PCDHGA7: variants seen among roughly 807,000 people sequenced by gnomAD.
PCDHGA7 encodes the protein protocadherin gamma subfamily A, 7.
PCDHGA7 carries 44 observed loss-of-function variants against 58.3 expected under a neutral mutation model. The ratio of observed to expected loss-of-function variants is 0.75; its 90% confidence interval spans 0.59 to 0.97. The LOEUF (loss-of-function observed/expected upper bound fraction) is 0.97. PCDHGA7 is among the 50% of genes least tolerant of loss of function. PCDHGA7 has a pLI of 0.00. For synonymous variants in PCDHGA7, 516 were observed against 504.2 expected, an observed-to-expected ratio of 1.02 and a Z score of -0.31; for missense variants, 1,266 against 1,188.7, an observed-to-expected ratio of 1.06 and a Z score of -0.96.
chr5:141,471,214 A>C (rs757487718), intron 1 of PCDHGA7: 2 of 149,606 alleles, frequency 1.3e-5, no homozygotes, highest in Non-Finnish European at 3.0e-5. Context: ...CATGCCTGGC[A>C]ATTTTTTTGT....
chr5:141,415,380 C>G (rs759710024), intron 1 of PCDHGA7: 1 of 1,614,250 alleles, frequency 6.2e-7, no homozygotes, highest in South Asian at 1.1e-5. Flanking sequence ...CAGGAGGCGG[C>G]TTGACAGGTG....
chr5:141,394,925 C>T (rs771405918), intron 1 of PCDHGA7: 9 of 1,613,696 alleles, frequency 5.6e-6, no homozygotes, highest in South Asian at 1.1e-5. Context: ...CCTGTGTCTT[C>T]CTCGCCTTTG....
chr5:141,386,789 A>G lies in PCDHGA7; in HGVS notation c.2424+1466A>G, dbSNP rs144966256. Among the ~76,000 whole-genome samples the G allele has an allele frequency of 8.8e-3, 1,344 of 152,342 alleles. 18 individuals carry two copies. Among genetic ancestry groups the G allele is most frequent in the African/African-American group, 0.031 (1,269 of 41,584 alleles). On this transcript the variant is annotated intron_variant, in intron 1 of 3. Coordinates refer to ENST00000518325, the MANE Select transcript of PCDHGA7 (RefSeq NM_018920.4). ...GTATTTTGTAAAAGAAAATCTCCTG[A>G]CCAAAATTTATTAGATGCATAAAAT...
At chr5:141,425,842 T>G (rs2096897830) in intron 1 of PCDHGA7, among the ~76,000 whole-genome samples, 1 of 152,230 alleles carries the variant, frequency 6.6e-6, no homozygotes, top group Non-Finnish European at 1.5e-5. Context: ...TTCTCTTTGC[T>G]GGGTTAATGA....
chr5:141,426,565 T>G, intron 1 of PCDHGA7: 1 of 351,600 alleles, frequency 2.8e-6, no homozygotes, highest in Non-Finnish European at 5.7e-6. Flanking sequence ...AGATCGAGAG[T>G]CACTGTCTTC....
rs760747309 is a variant in PCDHGA7, at chr5:141,477,613, A to G, written c.2425-17194A>G. 1.2e-6 allele frequency: 2 copies of G among 1,614,210 alleles called. No individual in the cohort carries two copies. Among genetic ancestry groups the G allele is most frequent in the Non-Finnish European group, 8.5e-7 (1 of 1,180,044 alleles). ...GGCTTTCTTTCTTTCTCTTGGAGCA[A>G]GGAGCTGAAACCGGGCTAGTGGGTC... On this transcript the variant is annotated intron_variant, in intron 1 of 3. Coordinates refer to ENST00000518325, the MANE Select transcript of PCDHGA7 (RefSeq NM_018920.4). This position sits in a 1 kb window ranked among gnomAD's most constrained non-coding sequence, Gnocchi z 4.9.
rs1356739313 is a variant in PCDHGA7, at chr5:141,490,444, A to T, written c.2425-4363A>T. The T allele has an allele frequency of 6.2e-7, 1 of 1,614,194 alleles. No individual in the cohort carries two copies. Among genetic ancestry groups the T allele is most frequent in the Non-Finnish European group, 8.5e-7 (1 of 1,180,034 alleles). On this transcript the variant is annotated intron_variant, in intron 1 of 3. Transcript: ENST00000518325. The surrounding 1 kb of genome is among the most constrained non-coding windows in gnomAD (Gnocchi z 5.4). ...GCCATTTCAGATTAAGCCTTCTGAG[A>T]ACCACTACTCGCTGCTAACCAGCCA...
chr5:141,403,127 C>G, intron 1 of PCDHGA7: 1 of 1,614,062 alleles, frequency 6.2e-7, no homozygotes, highest in Non-Finnish European at 8.5e-7. Context: ...GCCCCGGGAG[C>G]TGGCGGAGCG....
At chr5:141,498,863 G>A (rs1311199561) in intron 2 of PCDHGA7, among the ~76,000 whole-genome samples, 2 of 151,466 alleles carry the variant, frequency 1.3e-5, no homozygotes, top group South Asian at 2.1e-4. Context: ...AACCCAGGAG[G>A]CGGAGGTTGC....
At chr5:141,427,774 G>A (rs760144039) in intron 1 of PCDHGA7, 1 of 1,420,908 alleles carries the variant, frequency 7.0e-7, no homozygotes, top group Non-Finnish European at 9.8e-7. Context: ...TTGGAGCTGC[G>A]GGCACTGTCG....
chr5:141,400,611 G>T (rs555600694), intron 1 of PCDHGA7: 1 of 1,573,002 alleles, frequency 6.4e-7, no homozygotes, highest in South Asian at 1.1e-5. Context: ...CAAGTCCAAT[G>T]AGTTGTCTTA....
Position 141,490,849 on chromosome 5 carries a change from C to A in PCDHGA7, c.2425-3958C>A, listed in dbSNP as rs200640560. The A allele has an allele frequency of 6.2e-7, 1 of 1,613,748 alleles. No individual in the cohort carries two copies. Among genetic ancestry groups the A allele is most frequent in the Non-Finnish European group, 8.5e-7 (1 of 1,179,862 alleles). On this transcript the variant is annotated intron_variant, in intron 1 of 3. Coordinates refer to ENST00000518325, the MANE Select transcript of PCDHGA7 (RefSeq NM_018920.4). This position sits in a 1 kb window ranked among gnomAD's most constrained non-coding sequence, Gnocchi z 5.4. ...GATGCTGCAGATTGTGGTGGGGGTT[C>A]GAGACTCCGGCTCTCCCCCATTGCA...
At chr5:141,397,904 G>A in intron 1 of PCDHGA7, 1 of 657,312 alleles carries the variant, frequency 1.5e-6, no homozygotes, top group Non-Finnish European at 2.5e-6. Flanking sequence ...TGCAGAGCTT[G>A]GCGCTCCAGA....
chr5:141,448,966 A>G (rs981772425), intron 1 of PCDHGA7, among the ~76,000 whole-genome samples: 5 of 152,118 alleles, frequency 3.3e-5, no homozygotes, highest in Non-Finnish European at 7.4e-5. Context: ...CAAACAAACA[A>G]AAAAGAACTT....
intron 1 of PCDHGA7, among the ~76,000 whole-genome samples, chr5:141,444,771 T>C (rs987549188): frequency 6.6e-6 from 1 of 152,246 alleles, no homozygotes; most frequent in African/African-American, 2.4e-5. Context: ...TTCTATATTC[T>C]TGATCATGTT....
At chr5:141,430,935 T>G (rs748546768) in intron 1 of PCDHGA7, 1 of 1,607,814 alleles carries the variant, frequency 6.2e-7, no homozygotes. Context: ...CCCCGGGAGC[T>G]CGCGGAGCGC....
At chr5:141,440,443 T>A (rs979101512) in intron 1 of PCDHGA7, 2 of 152,152 alleles carry the variant, frequency 1.3e-5, no homozygotes, top group Admixed American at 1.3e-4. Flanking sequence ...CAAGGCGCCA[T>A]CTCAAAAAAA....
intron 1 of PCDHGA7, among the ~76,000 whole-genome samples, chr5:141,455,045 C>G (rs1008259013): frequency 6.6e-6 from 1 of 151,798 alleles, no homozygotes; most frequent in Non-Finnish European, 1.5e-5. Context: ...ATCTCCTGAC[C>G]TCGTGATCCG....
intron 1 of PCDHGA7, chr5:141,394,082 G>C: frequency 6.2e-7 from 1 of 1,613,830 alleles, no homozygotes; most frequent in Non-Finnish European, 8.5e-7. Flanking sequence ...TCACAGTGAT[G>C]GCCTCAGATC....
Sources: allele counts gnomAD v4.1 joint callset (sites outside exome capture counted in the v4.1 genomes callset), GRCh38; gene constraint gnomAD v4.1.1; non-coding constraint Gnocchi (gnomAD v3.1); transcripts MANE v1.5; gene names NCBI Gene and HGNC (gene_info 2026-07-23, HGNC 2026-07-21).